Variants in MORN4 observed in about 807,000 individuals in gnomAD.
MORN4 encodes the protein MORN repeat-containing protein 4.
Under a neutral mutation model 16.4 loss-of-function variants are expected in MORN4, and 8 were observed. That is an observed-to-expected ratio of 0.49 (90% confidence interval 0.29 to 0.88). The LOEUF (loss-of-function observed/expected upper bound fraction) is 0.88, where lower values mean the gene tolerates loss of function less well. Among genes scored for constraint, MORN4 ranks in the 40% least tolerant of loss-of-function variants. The pLI is 0.09. For synonymous variants in MORN4, 53 were observed against 68.9 expected (o/e 0.77, Z 1.14); for missense variants, 159 against 182.9 (o/e 0.87, Z 0.75).
At chr10:97,623,431 C>A (rs1037096068) in intron 1 of MORN4, among the ~76,000 whole-genome samples, 3 of 152,032 alleles carry the variant, frequency 2.0e-5, no homozygotes, top group Non-Finnish European at 4.4e-5. Flanking sequence ...CAGAGCGAGA[C>A]CCTGTCCCCC....
intron 1 of MORN4, among the ~76,000 whole-genome samples, chr10:97,623,890 G>C (rs10786359): frequency 0.3 from 45,678 of 151,704 alleles, 9,205 homozygotes; most frequent in African/African-American, 0.58. Flanking sequence ...TGCCCACCAC[G>C]ACGCCCCACT....
At chr10:97,634,067 CAG>C (rs1335413035), upstream of MORN4, among the ~76,000 whole-genome samples, 1 of 152,084 alleles carries the variant, frequency 6.6e-6, no homozygotes, top group Admixed American at 6.6e-5. Flanking sequence ...GGCTTGAGCT[CAG>C]GAGTGCGGGA....
At position 97,633,251 on chromosome 10, in the gene MORN4, GC is replaced by G; in HGVS notation, c.-31+95del. 1 of 1,223,252 alleles carries G rather than the reference GC, an allele frequency of 8.2e-7. No individual in the cohort carries two copies. The highest frequency in any genetic ancestry group is 1.4e-5 in the South Asian group (1 of 72,332). 75.8% of individuals were successfully genotyped at this position (1,223,252 alleles called of 1,614,324 possible). A position where few individuals can be genotyped will look rare whatever the true frequency, so the allele number is the denominator to read the frequency against. On this transcript the variant is annotated intron_variant, in intron 1 of 4. Coordinates refer to ENST00000307450, the MANE Select transcript of MORN4 (RefSeq NM_178832.4). The surrounding 1 kb of genome is among the most constrained non-coding windows in gnomAD (Gnocchi z 4.5). ...GTCAGCGTATCCGAGGTGGAGCCGC[GC>G]CCCCGAGCCGGGTCATCTCGTGCTC...
At chr10:97,624,062 G>A (rs1488907031) in intron 1 of MORN4, among the ~76,000 whole-genome samples, 1 of 152,034 alleles carries the variant, frequency 6.6e-6, no homozygotes, top group Non-Finnish European at 1.5e-5. Flanking sequence ...AAATCTCGGG[G>A]GCCTGGCGCC....
In MORN4 at chr10:97,615,898, C is replaced by G. The variant is rs1378681280; in HGVS notation, c.*365G>C. The stretch of plus-strand genomic sequence containing the variant: ...CTAGGATCACCTGTCCCCAAAGCAG[C>G]AGAACGAAGGTTCTGTATCACTTGG... On this transcript the variant is annotated 3_prime_UTR_variant, in exon 5 of 5. Transcript: ENST00000307450. The G allele has an allele frequency of 6.1e-6, 1 of 163,554 alleles. No individual in the cohort carries two copies. The highest frequency in any genetic ancestry group is 6.4e-5 in the Admixed American group (1 of 15,678). 10.1% of individuals were successfully genotyped at this position (163,554 alleles called of 1,614,324 possible). A position where few individuals can be genotyped will look rare whatever the true frequency, so the allele number is the denominator to read the frequency against.
Position 97,633,136 on chromosome 10 carries a change from C to A in MORN4, c.-31+211G>T. On this transcript the variant is annotated intron_variant, in intron 1 of 4. Transcript: ENST00000307450. This position sits in a 1 kb window ranked among gnomAD's most constrained non-coding sequence, Gnocchi z 4.5. ...CAACCCTCCACCCTCTGCTCGCTAA[C>A]CCCAGTCCAGTCAGCTCTCCCGGGC... 6.6e-6 allele frequency among the ~76,000 whole-genome samples: 1 copy of A among 152,200 alleles called. No individual in the cohort carries two copies. The highest frequency in any genetic ancestry group is 1.9e-4 in the East Asian group (1 of 5,190).
chr10:97,633,514 G>A (rs2041416092), upstream of MORN4: 5 of 1,289,854 alleles, frequency 3.9e-6, no homozygotes, highest in Non-Finnish European at 4.0e-6. This position sits in a 1 kb window ranked among gnomAD's most constrained non-coding sequence, Gnocchi z 4.5. Flanking sequence ...TACAATTCCC[G>A]CTGCCCATTG....
chr10:97,625,447 AAAAT>A (rs1270628577), intron 1 of MORN4, among the ~76,000 whole-genome samples: 1 of 152,240 alleles, frequency 6.6e-6, no homozygotes, highest in Non-Finnish European at 1.5e-5. Context: ...ACAGAAAAGA[AAAAT>A]AAAAGAAAGA....
chr10:97,633,602 G>A (rs1272376269), upstream of MORN4: 3 of 1,288,886 alleles, frequency 2.3e-6, no homozygotes, highest in Non-Finnish European at 3.0e-6. This position sits in a 1 kb window ranked among gnomAD's most constrained non-coding sequence, Gnocchi z 4.5. Context: ...GTGCGGGGCC[G>A]AGTGTTTGCG....
intron 1 of MORN4, among the ~76,000 whole-genome samples, chr10:97,622,923 C>T (rs966060695): frequency 3.3e-5 from 5 of 149,428 alleles, no homozygotes; most frequent in African/African-American, 1.2e-4. Flanking sequence ...CTTGCTCTGT[C>T]ACCCAGGCTA....
chr10:97,623,804 C>G (rs547671043), intron 1 of MORN4, among the ~76,000 whole-genome samples: 1 of 150,990 alleles, frequency 6.6e-6, no homozygotes, highest in Non-Finnish European at 1.5e-5. Flanking sequence ...GGCATGATCT[C>G]GGCTGACTGC....
At chr10:97,617,877 C>A (rs1421225739) in intron 2 of MORN4, among the ~76,000 whole-genome samples, 1 of 151,164 alleles carries the variant, frequency 6.6e-6, no homozygotes, top group Non-Finnish European at 1.5e-5. Context: ...AACAAACAAA[C>A]AAAAAAACAA....
chr10:97,633,695 A>G (rs890945180), upstream of MORN4: 3 of 1,198,152 alleles, frequency 2.5e-6, no homozygotes, highest in Admixed American at 6.4e-5. The surrounding 1 kb of genome is among the most constrained non-coding windows in gnomAD (Gnocchi z 4.5). Context: ...TGGCCTACCC[A>G]GAGGCCGTCT....
In MORN4 at chr10:97,633,313, T is replaced by G; in HGVS notation, c.-31+34A>C. On this transcript the variant is annotated intron_variant, in intron 1 of 4. Coordinates refer to ENST00000307450, the MANE Select transcript of MORN4 (RefSeq NM_178832.4). This position sits in a 1 kb window ranked among gnomAD's most constrained non-coding sequence, Gnocchi z 4.5. The stretch of plus-strand genomic sequence containing the variant: ...TGCCCACCTGACCGATCACACTCTT[T>G]CCCGGCCCCCTCCCTCCTGCGCCTC... 2.3e-6 allele frequency: 3 copies of G among 1,287,986 alleles called. No homozygotes were observed. The highest frequency in any genetic ancestry group is 2.0e-6 in the Non-Finnish European group (2 of 988,108). The allele number at this position is 1,287,986 out of a possible 1,614,324, so 79.8% of individuals were successfully genotyped here. A position where few individuals can be genotyped will look rare whatever the true frequency, so the allele number is the denominator to read the frequency against.
intron 2 of MORN4, among the ~76,000 whole-genome samples, chr10:97,618,793 T>G (rs1315938730): frequency 6.6e-6 from 1 of 151,604 alleles, no homozygotes; most frequent in Non-Finnish European, 1.5e-5. Flanking sequence ...GGTTGTTTTT[T>G]TTTTTTTTTT....
chr10:97,629,609 T>C (rs1589924261), intron 1 of MORN4, among the ~76,000 whole-genome samples: 1 of 152,226 alleles, frequency 6.6e-6, no homozygotes, highest in Non-Finnish European at 1.5e-5. Flanking sequence ...CAGGCATCAG[T>C]GAAGGAGCCT....
chr10:97,633,247 C>T lies in MORN4; in HGVS notation c.-31+100G>A. On this transcript the variant is annotated intron_variant, in intron 1 of 4. Transcript: ENST00000307450. This position sits in a 1 kb window ranked among gnomAD's most constrained non-coding sequence, Gnocchi z 4.5. ...TCAGGTCAGCGTATCCGAGGTGGAGCCGCGCCCCCGAGCCGGGTCATCTCG... is the reference window on the plus strand; with the variant it reads ...TCAGGTCAGCGTATCCGAGGTGGAGTCGCGCCCCCGAGCCGGGTCATCTCG... 8.2e-7 allele frequency: 1 copy of T among 1,218,364 alleles called. No homozygotes were observed. The highest frequency in any genetic ancestry group is 1.1e-6 in the Non-Finnish European group (1 of 943,618). The allele number at this position is 1,218,364 out of a possible 1,614,324, so 75.5% of individuals were successfully genotyped here. A position where few individuals can be genotyped will look rare whatever the true frequency, so the allele number is the denominator to read the frequency against.
At chr10:97,630,081 T>G (rs1020437489) in intron 1 of MORN4, among the ~76,000 whole-genome samples, 5 of 151,900 alleles carry the variant, frequency 3.3e-5, no homozygotes, top group African/African-American at 1.2e-4. Flanking sequence ...CCCGCCACCA[T>G]GCCCAGCTAA....
chr10:97,619,198 G>T (rs575577086), intron 2 of MORN4, among the ~76,000 whole-genome samples: 2 of 151,970 alleles, frequency 1.3e-5, no homozygotes, highest in African/African-American at 4.8e-5. Context: ...GGTGGCAGGC[G>T]CCTGTAATCC....
Sources: allele counts gnomAD v4.1 joint callset (sites outside exome capture counted in the v4.1 genomes callset), GRCh38; gene constraint gnomAD v4.1.1; non-coding constraint Gnocchi (gnomAD v3.1); transcripts MANE v1.5; gene names NCBI Gene and HGNC (gene_info 2026-07-23, HGNC 2026-07-21).